Variants in SYT1 observed in about 807,000 individuals in gnomAD.
SYT1 encodes the protein synaptotagmin 1.
A neutral mutation model predicts 44.8 loss-of-function variants in SYT1; 8 were observed. The ratio of observed to expected loss-of-function variants is 0.18; its 90% confidence interval spans 0.10 to 0.32. SYT1 has a LOEUF of 0.32. Ranked by LOEUF, SYT1 falls within the 10% of genes least tolerant of loss-of-function variation. The pLI, the probability that SYT1 is intolerant of heterozygous loss-of-function variation, is 1.00. For synonymous variants in SYT1, 154 were observed against 188.8 expected (o/e 0.82, Z 1.51); for missense variants, 286 against 509.3 (o/e 0.56, Z 4.22).
At chr12:78,959,646 C>T (rs1264437076) in intron 1 of SYT1, among the ~76,000 whole-genome samples, 1 of 152,150 alleles carries the variant, frequency 6.6e-6, no homozygotes, top group Admixed American at 6.6e-5. Flanking sequence ...CATAGAGGTT[C>T]TAGCCTCTTA....
intron 8 of SYT1, among the ~76,000 whole-genome samples, chr12:79,350,234 AG>A (rs1319877594): frequency 2.7e-5 from 4 of 147,810 alleles, no homozygotes; most frequent in Admixed American, 1.3e-4. Context: ...GGGCCTCCCC[AG>A]GATGCATATT....
intron 9 of SYT1, 79 bp downstream of exon 9, chr12:79,353,698 C>A (rs1469205038): frequency 2.0e-6 from 2 of 1,016,008 alleles, no homozygotes; most frequent in South Asian, 1.3e-5. Flanking sequence ...CATGCTGCGA[C>A]TCCCCACTTC....
chr12:79,086,500 C>T lies in SYT1; in HGVS notation c.-18+39138C>T, dbSNP rs925142359. On this transcript the variant is annotated intron_variant, in intron 3 of 10. Transcript: ENST00000261205. ...ATTTTTGTTAGAAACTTTCTTTCAT[C>T]CCCAGAAGTTTAGTATTCCCTTTTC... Among the ~76,000 whole-genome samples the T allele has an allele frequency of 4.6e-5, 7 of 152,156 alleles. No homozygotes were observed. The South Asian group carries it at 6.2e-4, about 13-fold the overall frequency.
intron 8 of SYT1, among the ~76,000 whole-genome samples, chr12:79,319,240 T>A (rs1046319872): frequency 6.6e-6 from 1 of 152,176 alleles, no homozygotes; most frequent in African/African-American, 2.4e-5. Context: ...TAGTGCAAAT[T>A]TACCTTTACT....
intron 3 of SYT1, among the ~76,000 whole-genome samples, chr12:79,145,603 A>G (rs552404833): frequency 6.8e-4 from 104 of 152,354 alleles, no homozygotes; most frequent in African/African-American, 2.5e-3. Flanking sequence ...TGAGATTGAC[A>G]TCATTACCAA....
chr12:79,307,436 T>C (rs1384804706), intron 8 of SYT1, among the ~76,000 whole-genome samples: 2 of 152,188 alleles, frequency 1.3e-5, no homozygotes, highest in Non-Finnish European at 2.9e-5. Flanking sequence ...CCAGGTATTG[T>C]GCTAACTTCA....
intron 9 of SYT1, among the ~76,000 whole-genome samples, chr12:79,419,752 C>T (rs1250391980): frequency 2.6e-5 from 4 of 151,950 alleles, no homozygotes; most frequent in Admixed American, 2.6e-4. Flanking sequence ...TCTTTATCTC[C>T]TTTCTCTCAT....
chr12:78,900,945 A>T (rs958099717), intron 1 of SYT1, among the ~76,000 whole-genome samples: 1 of 152,118 alleles, frequency 6.6e-6, no homozygotes, highest in Admixed American at 6.6e-5. Context: ...ATCATTTGAC[A>T]TAGTATTTTC....
intron 3 of SYT1, among the ~76,000 whole-genome samples, chr12:79,142,632 TAATC>T (rs1359814922): frequency 9.2e-5 from 14 of 152,316 alleles, no homozygotes; most frequent in East Asian, 1.9e-4. Flanking sequence ...AAGCAAAATT[TAATC>T]AATCAAATTC....
At chr12:79,101,502 T>C (rs1878443773) in intron 3 of SYT1, among the ~76,000 whole-genome samples, 1 of 152,190 alleles carries the variant, frequency 6.6e-6, no homozygotes, top group African/African-American at 2.4e-5. Flanking sequence ...TACAAAGTTT[T>C]AGAGAAGGTG....
At chr12:79,403,271 G>A (rs528816428) in intron 9 of SYT1, among the ~76,000 whole-genome samples, 1 of 152,280 alleles carries the variant, frequency 6.6e-6, no homozygotes, top group South Asian at 2.1e-4. Flanking sequence ...GGAAGAGGCA[G>A]TTGGGAGAGA....
intron 8 of SYT1, among the ~76,000 whole-genome samples, chr12:79,335,009 C>T (rs1316364158): frequency 2.0e-5 from 3 of 152,066 alleles, no homozygotes; most frequent in African/African-American, 7.2e-5. Context: ...CAATTCATTC[C>T]CCCACTCCAG....
At chr12:79,248,244 TAGTA>T (rs1044853118) in intron 4 of SYT1, among the ~76,000 whole-genome samples, 2 of 152,134 alleles carry the variant, frequency 1.3e-5, no homozygotes, top group African/African-American at 4.8e-5. Flanking sequence ...CAGGATTTAA[TAGTA>T]AGTGAGATGA....
chr12:78,907,439 T>C (rs1876054344), intron 1 of SYT1, among the ~76,000 whole-genome samples: 1 of 151,956 alleles, frequency 6.6e-6, no homozygotes, highest in Admixed American at 6.6e-5. Context: ...AATCAGAATA[T>C]ATTACATAAT....
intron 3 of SYT1, among the ~76,000 whole-genome samples, chr12:79,151,177 G>A (rs1417159248): frequency 6.6e-6 from 1 of 152,166 alleles, no homozygotes. Flanking sequence ...GAGAAATTGG[G>A]CATGTCAGAG....
chr12:78,943,328 C>T (rs1878484352), intron 1 of SYT1, among the ~76,000 whole-genome samples: 1 of 152,136 alleles, frequency 6.6e-6, no homozygotes, highest in Admixed American at 6.5e-5. Context: ...TTGGCATCTG[C>T]ACAGCTTCTG....
intron 1 of SYT1, among the ~76,000 whole-genome samples, chr12:78,958,847 T>G (rs1879354770): frequency 1.3e-5 from 2 of 152,150 alleles, no homozygotes; most frequent in South Asian, 4.1e-4. Context: ...CTGTATAGTA[T>G]CTGAGAAAAA....
intron 3 of SYT1, among the ~76,000 whole-genome samples, chr12:79,181,093 A>G (rs149460511): frequency 6.6e-6 from 1 of 152,234 alleles, no homozygotes; most frequent in African/African-American, 2.4e-5. Flanking sequence ...CCAGCCCTGC[A>G]GAACTGCGAG....
intron 1 of SYT1, among the ~76,000 whole-genome samples, chr12:78,871,325 A>G (rs1184913441): frequency 6.6e-6 from 1 of 152,028 alleles, no homozygotes; most frequent in Non-Finnish European, 1.5e-5. Flanking sequence ...AGTATAAACA[A>G]TAAGATAACA....
Sources: gnomAD v4.1 joint callset for allele counts (sites outside exome capture counted in the v4.1 genomes callset) on GRCh38, gnomAD v4.1.1 for gene constraint, MANE v1.5 for transcripts, NCBI Gene and HGNC (gene_info 2026-07-23, HGNC 2026-07-21) for gene names.